Variants in CTC1 observed in about 807,000 individuals in gnomAD.
The protein encoded by CTC1 is CST telomere replication complex component 1.
A neutral mutation model predicts 136.3 loss-of-function variants in CTC1; 91 were observed. The observed-to-expected ratio is 0.67, with a 90% CI of 0.56 to 0.79. CTC1 has a LOEUF of 0.79. Among genes scored for constraint, CTC1 ranks in the 30% least tolerant of loss-of-function variants. The pLI is 0.00. For synonymous variants in CTC1, 606 were observed against 613.8 expected, an observed-to-expected ratio of 0.99 and a Z score of 0.19; for missense variants, 1,432 against 1,498.1, an observed-to-expected ratio of 0.96 and a Z score of 0.73.
intron 7 of CTC1, 91 bp from the exon 8 acceptor site, chr17:8,235,376 GGTTCCAGGAAGACGGA>G (rs1987626923): frequency 3.1e-6 from 3 of 972,566 alleles, no homozygotes; most frequent in Non-Finnish European, 4.7e-6. Flanking sequence ...CCACTGCCTG[GGTTCCAGGAAGACGGA>G]AAGCAATTTC....
At chr17:8,232,786 G>T in intron 11 of CTC1, 120 bp downstream of exon 11, 1 of 1,313,926 alleles carries the variant, frequency 7.6e-7, no homozygotes, top group Non-Finnish European at 1.1e-6. Flanking sequence ...AGAAGTTGTT[G>T]ATTGACATGT....
In CTC1 at chr17:8,226,337, A is replaced by G. The variant is rs1398694512; in HGVS notation, c.*1843T>C. On this transcript the variant is annotated 3_prime_UTR_variant, in exon 23 of 23. Transcript: ENST00000651323. ...GCTGCCATAAAGGTTCCTGAAATTC[A>G]TCTACAAGAATATAGAGCTAGGAAC... The G allele has an allele frequency of 6.6e-6, 1 of 152,200 alleles. No homozygotes were observed. Among genetic ancestry groups the G allele is most frequent in the Non-Finnish European group, 1.5e-5 (1 of 68,044 alleles). 9.4% of individuals were successfully genotyped at this position (152,200 alleles called of 1,614,324 possible). A position where few individuals can be genotyped will look rare whatever the true frequency, so the allele number is the denominator to read the frequency against.
chr17:8,243,928 C>T (rs1988480749), intron 1 of CTC1, among the ~76,000 whole-genome samples: 1 of 151,960 alleles, frequency 6.6e-6, no homozygotes, highest in African/African-American at 2.4e-5. Flanking sequence ...AAAAGCCAGG[C>T]GTGGTGGCAC....
At chr17:8,238,368 A>G in intron 3 of CTC1, 24 bp downstream of exon 3, 4 of 1,599,552 alleles carry the variant, frequency 2.5e-6, no homozygotes, top group Non-Finnish European at 3.4e-6. Flanking sequence ...GATCTGAGGC[A>G]TCTGATCTCC....
chr17:8,229,446 G>C lies in CTC1; in HGVS notation c.3012C>G (p.Ser1004Arg). The C allele has an allele frequency of 6.2e-7, 1 of 1,611,594 alleles. No individual in the cohort carries two copies. Among genetic ancestry groups the C allele is most frequent in the Middle Eastern group, 1.7e-4 (1 of 6,024 alleles). ...CCAGGTAGATGTGGGGCAGGGGAAT[G>C]CTAAATAAATACAGGGAGACAGAGA... Reference protein sequence around the residue: ...VLSFPPETTISIPLPHIYLAE... With the variant: ...VLSFPPETTIRIPLPHIYLAE... Residue 1004 changes from serine to arginine, a missense_variant and splice_region_variant, in exon 19 of 23, where the codon AGC becomes AGG. Physicochemically the swap from Ser to Arg is moderately radical, Grantham distance 110. Transcript: ENST00000651323.
Position 8,226,394 on chromosome 17 carries a change from C to T in CTC1, c.*1786G>A, listed in dbSNP as rs1349077137. ...CGAGCTTTTTCAGATCTTTCTAGAA[C>T]TAATTTGGTAACTCAACTGGCTCTT... On this transcript the variant is annotated 3_prime_UTR_variant, in exon 23 of 23. Coordinates refer to ENST00000651323, the MANE Select transcript of CTC1 (RefSeq NM_025099.6). 1 of 152,178 alleles carries T rather than the reference C, an allele frequency of 6.6e-6. No individual in the cohort carries two copies. The highest frequency in any genetic ancestry group is 1.5e-5 in the Non-Finnish European group (1 of 68,040). 9.4% of individuals were successfully genotyped at this position (152,178 alleles called of 1,614,324 possible). A position where few individuals can be genotyped will look rare whatever the true frequency, so the allele number is the denominator to read the frequency against.
intron 3 of CTC1, 37 bp downstream of exon 3, chr17:8,238,355 C>T: frequency 1.3e-6 from 2 of 1,590,492 alleles, no homozygotes; most frequent in Non-Finnish European, 1.7e-6. Context: ...CCATTCTTGT[C>T]AGGATCTGAG....
chr17:8,228,919 C>T (rs770712449), intron 20 of CTC1, 27 bp from the exon 21 acceptor site: 41 of 1,586,910 alleles, frequency 2.6e-5, no homozygotes, highest in African/African-American at 5.5e-5. Flanking sequence ...GAAATAAAAA[C>T]GCCTATAGCA....
rs763569800 is a variant in CTC1, at chr17:8,229,130, T to C, written c.3221+12A>G. The C allele has an allele frequency of 6.2e-7, 1 of 1,613,368 alleles. No individual in the cohort carries two copies. Among genetic ancestry groups the C allele is most frequent in the Non-Finnish European group, 8.5e-7 (1 of 1,179,916 alleles). ...GTAAATGGCACAATGGGTGCACGCCTTGTGCTCTCACCTGATGATGGCCTG... is the reference window on the plus strand; with the variant it reads ...GTAAATGGCACAATGGGTGCACGCCCTGTGCTCTCACCTGATGATGGCCTG... On this transcript the variant is annotated intron_variant, in intron 20 of 22. Transcript: ENST00000651323.
rs1453383697 is a variant in CTC1, at chr17:8,225,796, A to G, written c.*2384T>C. 1 of 151,454 alleles carries G rather than the reference A, an allele frequency of 6.6e-6. No individual in the cohort carries two copies. Among genetic ancestry groups the G allele is most frequent in the Non-Finnish European group, 1.5e-5 (1 of 67,894 alleles). 9.4% of individuals were successfully genotyped at this position (151,454 alleles called of 1,614,324 possible). ...CTGGAAGCTGTGCCAAATTTTAAAT[A>G]CTGTATATTTAAATATATATTTTTA... On this transcript the variant is annotated 3_prime_UTR_variant, in exon 23 of 23. Coordinates refer to ENST00000651323, the MANE Select transcript of CTC1 (RefSeq NM_025099.6).
chr17:8,247,500 A>G (rs11650557), intron 1 of CTC1: 45,653 of 152,526 alleles, frequency 0.3, 7,016 homozygotes, highest in Admixed American at 0.43. Flanking sequence ...AGTAGAGATG[A>G]GGTTTCACCA....
chr17:8,239,723 C>T (rs925652397), intron 2 of CTC1, among the ~76,000 whole-genome samples: 1 of 152,028 alleles, frequency 6.6e-6, no homozygotes, highest in Non-Finnish European at 1.5e-5. Context: ...TGCCCGGCCC[C>T]ATGATTTTTT....
chr17:8,239,990 C>T (rs1310000461), intron 2 of CTC1, among the ~76,000 whole-genome samples: 2 of 152,140 alleles, frequency 1.3e-5, no homozygotes, highest in Admixed American at 6.5e-5. Context: ...GAATTTTCTT[C>T]ACCTCAAAAC....
chr17:8,230,800 C>A, intron 15 of CTC1, 149 bp from the exon 16 acceptor site: 1 of 659,244 alleles, frequency 1.5e-6, no homozygotes, highest in Non-Finnish European at 2.7e-6. Flanking sequence ...CCACACTGCA[C>A]ACTAAGAGTA....
rs1049340926 is a variant in CTC1 at position 8,225,747 on chromosome 17, G to C, written c.*2433C>G. The C allele has an allele frequency of 6.6e-6, 1 of 152,104 alleles. No homozygotes were observed. Among genetic ancestry groups the C allele is most frequent in the Non-Finnish European group, 1.5e-5 (1 of 68,032 alleles). 9.4% of individuals were successfully genotyped at this position (152,104 alleles called of 1,614,324 possible). On this transcript the variant is annotated 3_prime_UTR_variant, in exon 23 of 23. Transcript: ENST00000651323. ...GAGAGGGATGGAGGTAACTGCAAGT[G>C]AAAGACCAGTTAGAGGACCGCATCT...
At position 8,231,729 on chromosome 17, in the gene CTC1, G is replaced by A. The variant is rs558802130; in HGVS notation, c.2472C>T (p.Pro824=). The A allele has an allele frequency of 2.9e-5, 47 of 1,613,304 alleles. No homozygotes were observed. The East Asian group carries it at 6.2e-4, about 21-fold the overall frequency. ...TATGATGAAGTAGGACACTCACAGC[G>A]GGGCCAGGAGCTATGAGTCGGTACA... ...GQVYRLIAPG[P]ATPMLFEKDG... is the part of the protein sequence containing the mutation. The change falls in exon 14 of 23, where the codon CCC becomes CCT. Residue 824 remains proline, a synonymous_variant. Transcript: ENST00000651323.
chr17:8,237,288 C>A, intron 5 of CTC1, 87 bp downstream of exon 5: 3 of 1,480,608 alleles, frequency 2.0e-6, no homozygotes, highest in Non-Finnish European at 2.8e-6. Flanking sequence ...TCCTTTCCTA[C>A]ATGGCTCCTC....
Position 8,232,012 on chromosome 17 carries a change from G to A in CTC1, c.2276C>T (p.Pro759Leu), listed in dbSNP as rs2151509364. The change falls in exon 13 of 23, where the codon CCC becomes CTC. Residue 759 changes from proline to leucine, a missense_variant. Pro to Leu is a moderately conservative substitution (Grantham distance 98, BLOSUM62 -3). Transcript: ENST00000651323. ...CCCCAACACATAGAAACTGAGGGCGGGCTTGGGCACCTCTGGACTTGCTCC... is the reference window on the plus strand; with the variant it reads ...CCCCAACACATAGAAACTGAGGGCGAGCTTGGGCACCTCTGGACTTGCTCC... ...PPGASPEVPK[P>L]ALSFYVLGSW... is the part of the protein sequence containing the mutation. 1 of 1,602,602 alleles carries A rather than the reference G, an allele frequency of 6.2e-7. No homozygotes were observed. The highest frequency in any genetic ancestry group is 1.7e-4 in the Middle Eastern group (1 of 5,982).
rs373023392 is a variant in CTC1, at chr17:8,238,081, C to T, written c.597G>A (p.Thr199=). ...FPLTISPGPV[T]PIPVLYPESA... is the part of the protein sequence containing the mutation. ...TCTCTGGGTAGAGGACAGGGATAGG[C>T]GTGACGGGGCCAGGACTGATGGTCA... The change falls in exon 4 of 23, where the codon ACG becomes ACA. Residue 199 remains threonine, a synonymous_variant. Coordinates refer to ENST00000651323, the MANE Select transcript of CTC1 (RefSeq NM_025099.6). 2.4e-4 allele frequency: 380 copies of T among 1,613,984 alleles called. 1 individual carries two copies. The highest frequency in any genetic ancestry group is 1.5e-3 in the Middle Eastern group (9 of 6,082).
Sources: gnomAD v4.1 joint callset for allele counts (sites outside exome capture counted in the v4.1 genomes callset) on GRCh38, gnomAD v4.1.1 for gene constraint, MANE v1.5 for transcripts, NCBI Gene and HGNC (gene_info 2026-07-23, HGNC 2026-07-21) for gene names.